AGBL4: variants seen among roughly 807,000 people sequenced by gnomAD.
AGBL4 encodes the protein AGBL carboxypeptidase 4.
Under a neutral mutation model 66.4 loss-of-function variants are expected in AGBL4, and 58 were observed. The observed-to-expected ratio is 0.87, with a 90% confidence interval of 0.71 to 1.09. The LOEUF (loss-of-function observed/expected upper bound fraction) is 1.09. Ranked by LOEUF, AGBL4 falls within the 50% of genes least tolerant of loss-of-function variation. The probability of loss-of-function intolerance (pLI) is 0.00; values close to 1 mark genes in which losing one functional copy is unlikely to be tolerated. For missense variants in AGBL4, 579 were observed against 631.0 expected (o/e 0.92, Z 0.88); for synonymous variants, 234 against 222.9 (o/e 1.05, Z -0.44).
chr1:49,330,110 C>A (rs985792848), intron 3 of AGBL4, among the ~76,000 whole-genome samples: 8 of 152,294 alleles, frequency 5.3e-5, no homozygotes, highest in Non-Finnish European at 7.4e-5. Context: ...AATGTAGCTA[C>A]ATAACCTCCT....
chr1:49,114,890 A>G (rs1200344292), intron 4 of AGBL4, among the ~76,000 whole-genome samples: 1 of 152,200 alleles, frequency 6.6e-6, no homozygotes, highest in Non-Finnish European at 1.5e-5. Context: ...ATCAAAGATC[A>G]CTGATTACAA....
intron 3 of AGBL4, among the ~76,000 whole-genome samples, chr1:49,657,048 G>T (rs1481366935): frequency 2.0e-5 from 3 of 152,130 alleles, no homozygotes; most frequent in Non-Finnish European, 4.4e-5. Flanking sequence ...ATTCAATTAG[G>T]AAAAGAGGAA....
intron 6 of AGBL4, among the ~76,000 whole-genome samples, chr1:48,723,647 C>A (rs889971071): frequency 6.6e-6 from 1 of 152,068 alleles, no homozygotes; most frequent in Non-Finnish European, 1.5e-5. Flanking sequence ...TCCTTTTCTA[C>A]GAAGAAGTAG....
At chr1:48,567,294 G>A (rs143319098) in intron 11 of AGBL4, among the ~76,000 whole-genome samples, 37 of 152,260 alleles carry the variant, frequency 2.4e-4, no homozygotes, top group African/African-American at 7.7e-4. Context: ...CATCTCAATT[G>A]CTCTAGCTCT....
At chr1:49,069,702 C>G (rs2147931810) in intron 4 of AGBL4, among the ~76,000 whole-genome samples, 1 of 151,948 alleles carries the variant, frequency 6.6e-6, no homozygotes, top group Admixed American at 6.5e-5. Context: ...TTAGGATTGT[C>G]TTGGCTATGT....
chr1:48,887,526 C>A (rs1198817332), intron 5 of AGBL4, among the ~76,000 whole-genome samples: 2 of 152,066 alleles, frequency 1.3e-5, no homozygotes, highest in Non-Finnish European at 2.9e-5. Context: ...CACAACAACC[C>A]CATGGGAGAA....
intron 6 of AGBL4, among the ~76,000 whole-genome samples, chr1:48,826,914 A>T (rs1427367371): frequency 1.3e-5 from 2 of 152,120 alleles, no homozygotes; most frequent in Non-Finnish European, 2.9e-5. Context: ...AGTCTGCTAC[A>T]TGGGACTATT....
At chr1:48,963,510 T>A (rs1045624604) in intron 5 of AGBL4, among the ~76,000 whole-genome samples, 5 of 152,080 alleles carry the variant, frequency 3.3e-5, no homozygotes, top group Non-Finnish European at 5.9e-5. Context: ...TCTTTTTTTT[T>A]TTTTTTAATT....
chr1:49,252,835 A>G (rs1020585897), intron 3 of AGBL4, among the ~76,000 whole-genome samples: 4 of 152,182 alleles, frequency 2.6e-5, no homozygotes, highest in African/African-American at 9.7e-5. Context: ...AAGAAATAAG[A>G]TCCTTTTCAG....
intron 6 of AGBL4, among the ~76,000 whole-genome samples, chr1:48,799,219 A>G (rs1645757159): frequency 6.6e-6 from 1 of 152,128 alleles, no homozygotes; most frequent in Non-Finnish European, 1.5e-5. Context: ...TTTTCCTTGC[A>G]GAGATATTCC....
At chr1:48,818,313 A>G (rs1646234173) in intron 6 of AGBL4, 1 of 715,108 alleles carries the variant, frequency 1.4e-6, no homozygotes, top group Admixed American at 2.0e-5. Context: ...ATTTATGGCC[A>G]TATTTGAAAA....
chr1:48,524,506 A>G, the AGBL4 span, among the ~76,000 whole-genome samples: 1 of 152,198 alleles, frequency 6.6e-6, no homozygotes. Flanking sequence ...TGGCCCTGAC[A>G]TCGTGCTGAG....
intron 4 of AGBL4, among the ~76,000 whole-genome samples, chr1:49,054,908 A>T (rs2147896655): frequency 1.3e-5 from 2 of 152,080 alleles, no homozygotes; most frequent in African/African-American, 4.8e-5. Flanking sequence ...GGCAATCTTT[A>T]ATCAAATATT....
rs12044476 is a variant in AGBL4, at chr1:48,598,368, C to G, written c.952-7383G>C. Among the ~76,000 whole-genome samples the G allele has an allele frequency of 0.017, 2,626 of 152,242 alleles. 176 individuals carry two copies. In the East Asian group the frequency reaches 0.2, roughly 12 times the overall value. ...GGTTATTTCATCATTGTGTGACCAT[C>G]ATAGAGTGTACTTACACTAACCTAG... is the stretch of plus-strand genomic sequence containing the variant. On this transcript the variant is annotated intron_variant, in intron 9 of 13. Coordinates refer to ENST00000371839, the MANE Select transcript of AGBL4 (RefSeq NM_032785.4).
chr1:48,637,150 G>A (rs1318384921), intron 8 of AGBL4, among the ~76,000 whole-genome samples: 3 of 152,138 alleles, frequency 2.0e-5, no homozygotes, highest in African/African-American at 7.2e-5. Flanking sequence ...GTACATAATG[G>A]TAACTCAAAA....
rs545345777 is a variant in AGBL4, at chr1:48,736,661, A to G, written c.635-73420T>C. Among the ~76,000 whole-genome samples the G allele has an allele frequency of 1.7e-3, 265 of 152,272 alleles. 2 individuals are homozygous for G. Among genetic ancestry groups the G allele is most frequent in the South Asian group, 8.7e-3 (42 of 4,810 alleles). On this transcript the variant is annotated intron_variant, in intron 6 of 13. Coordinates refer to ENST00000371839, the MANE Select transcript of AGBL4 (RefSeq NM_032785.4). This position sits in a 1 kb window ranked among gnomAD's most constrained non-coding sequence, Gnocchi z 4.0. ...CTTATTCTAGGGCTTTATATTTGCT[A>G]TCTTAAATCTTCATGGCAATTGTGG...
At chr1:49,503,612 G>A (rs896897229) in intron 3 of AGBL4, among the ~76,000 whole-genome samples, 1 of 152,186 alleles carries the variant, frequency 6.6e-6, no homozygotes, top group African/African-American at 2.4e-5. Flanking sequence ...AAAGCTGTGG[G>A]AGCCCACCTC....
At chr1:49,695,845 C>G (rs994644123) in intron 3 of AGBL4, among the ~76,000 whole-genome samples, 2 of 152,036 alleles carry the variant, frequency 1.3e-5, no homozygotes, top group African/African-American at 2.4e-5. Flanking sequence ...ATTAAAGTAT[C>G]AAAGCAAAGT....
intron 2 of AGBL4, among the ~76,000 whole-genome samples, chr1:49,767,024 T>C (rs889189209): frequency 6.6e-6 from 1 of 152,134 alleles, no homozygotes; most frequent in African/African-American, 2.4e-5. Context: ...AACACCCCAC[T>C]GAGAGTACTA....
Sources: allele counts gnomAD v4.1 joint callset (sites outside exome capture counted in the v4.1 genomes callset), GRCh38; gene constraint gnomAD v4.1.1; non-coding constraint Gnocchi (gnomAD v3.1); transcripts MANE v1.5; gene names NCBI Gene and HGNC (gene_info 2026-07-23, HGNC 2026-07-21).